ANKS1A: variants seen among roughly 807,000 people sequenced by gnomAD.
ANKS1A encodes ankyrin repeat and sterile alpha motif domain containing 1A.
A neutral mutation model predicts 120.3 loss-of-function variants in ANKS1A; 55 were observed. The ratio of observed to expected loss-of-function variants is 0.46; its 90% confidence interval spans 0.37 to 0.57. The LOEUF is 0.57. Among genes scored for constraint, ANKS1A ranks in the 20% least tolerant of loss-of-function variants. The pLI, the probability that ANKS1A is intolerant of heterozygous loss-of-function variation, is 0.00. For missense variants in ANKS1A, 1,123 were observed against 1,480.3 expected, an observed-to-expected ratio of 0.76 and a Z score of 3.96; for synonymous variants, 590 against 604.7, an observed-to-expected ratio of 0.98 and a Z score of 0.36.
chr6:34,994,948 T>G (rs917260210), intron 10 of ANKS1A, among the ~76,000 whole-genome samples: 1 of 152,100 alleles, frequency 6.6e-6, no homozygotes, highest in African/African-American at 2.4e-5. Flanking sequence ...TGTAAGGGAG[T>G]GAGTGCTGCA....
At chr6:34,962,161 T>C (rs920225709) in intron 1 of ANKS1A, among the ~76,000 whole-genome samples, 6 of 152,202 alleles carry the variant, frequency 3.9e-5, no homozygotes, top group Non-Finnish European at 7.3e-5. Flanking sequence ...AATGAGGTCA[T>C]TGTACAAATG....
intron 1 of ANKS1A, among the ~76,000 whole-genome samples, chr6:34,910,890 GAAA>G (rs1413482576): frequency 2.7e-5 from 4 of 150,924 alleles, no homozygotes. Flanking sequence ...GAAAGAAAAA[GAAA>G]AAAGAATGAA....
chr6:34,929,833 TTC>T (rs548356626), intron 1 of ANKS1A, among the ~76,000 whole-genome samples: 2 of 146,936 alleles, frequency 1.4e-5, no homozygotes, highest in Admixed American at 6.8e-5. Context: ...CTTTCTTTCT[TTC>T]TCTCTTTCTT....
At chr6:34,928,777 C>T (rs1768837190) in intron 1 of ANKS1A, among the ~76,000 whole-genome samples, 1 of 152,168 alleles carries the variant, frequency 6.6e-6, no homozygotes, top group African/African-American at 2.4e-5. Flanking sequence ...CACTGTGTTT[C>T]ACCATCTCCC....
chr6:35,003,644 T>C (rs1195333851), intron 10 of ANKS1A, among the ~76,000 whole-genome samples: 3 of 152,134 alleles, frequency 2.0e-5, no homozygotes, highest in Admixed American at 6.5e-5. Flanking sequence ...TGCTCCCTTG[T>C]TTGCTACCTG....
rs754560942 is a variant in ANKS1A at position 35,017,903 on chromosome 6, A to C, written c.1854A>C (p.Lys618Asn). The C allele has an allele frequency of 3.5e-5, 57 of 1,613,968 alleles. No individual in the cohort carries two copies. Among genetic ancestry groups the C allele is most frequent in the Non-Finnish European group, 4.7e-5 (55 of 1,179,986 alleles). ...PPTSKPKAEL[K>N]LSRSLSKSDS... The stretch of plus-strand genomic sequence containing the variant: ...CTAGCAAACCCAAAGCTGAACTCAA[A>C]CTCAGCCGCAGCTTGTCCAAGTCTG... The change falls in exon 11 of 24, where the codon AAA (lysine) becomes AAC (asparagine). Residue 618 changes from lysine to asparagine, a missense_variant. Physicochemically the swap from Lys to Asn is moderately conservative, Grantham distance 94. This residue lies in a region of ANKS1A where 904 missense variants were observed against 1,130.4 expected (regional missense o/e 0.80). Transcript: ENST00000360359.
At position 35,032,466 on chromosome 6, in the gene ANKS1A, A is replaced by C. The variant is rs112213060; in HGVS notation, c.2010+14407A>C. ...GTCAGATGAGAGACCTTTCCAGAGT[A>C]GTAATCACAGTTCATTTTTACAAGC... On this transcript the variant is annotated intron_variant, in intron 11 of 23. Coordinates refer to ENST00000360359, the MANE Select transcript of ANKS1A (RefSeq NM_015245.3). 2.4e-3 allele frequency among the ~76,000 whole-genome samples: 361 copies of C among 152,328 alleles called. 1 individual carries two copies. Among genetic ancestry groups the C allele is most frequent in the African/African-American group, 8.2e-3 (342 of 41,578 alleles).
chr6:34,970,851 A>T (rs9368841), intron 3 of ANKS1A, among the ~76,000 whole-genome samples: 13,386 of 144,494 alleles, frequency 0.093, 757 homozygotes, highest in East Asian at 0.34. Flanking sequence ...ATAAAAAATT[A>T]AAAAAAAAAA....
At chr6:35,074,187 T>C (rs1037267729) in intron 13 of ANKS1A, among the ~76,000 whole-genome samples, 8 of 152,170 alleles carry the variant, frequency 5.3e-5, no homozygotes, top group African/African-American at 1.7e-4. Flanking sequence ...TGGGGTTGAG[T>C]GGGAGTTTAG....
At chr6:35,048,119 C>T (rs1025409628) in intron 11 of ANKS1A, among the ~76,000 whole-genome samples, 6 of 152,206 alleles carry the variant, frequency 3.9e-5, no homozygotes, top group African/African-American at 1.4e-4. Context: ...CTCTCTCCAC[C>T]AGCCTAGCCT....
Position 35,060,934 on chromosome 6 carries a change from T to C in ANKS1A, c.2184+681T>C, listed in dbSNP as rs1396024369. ...AGAAAGTAGCTCTGATCAGGGTACCTGTCACTGTCCCTCTCTTGGAAGCCC... is the reference window on the plus strand; with the variant it reads ...AGAAAGTAGCTCTGATCAGGGTACCCGTCACTGTCCCTCTCTTGGAAGCCC... On this transcript the variant is annotated intron_variant, in intron 13 of 23. Coordinates refer to ENST00000360359, the MANE Select transcript of ANKS1A (RefSeq NM_015245.3). This position sits in a 1 kb window ranked among gnomAD's most constrained non-coding sequence, Gnocchi z 4.5. 5.3e-5 allele frequency among the ~76,000 whole-genome samples: 8 copies of C among 152,208 alleles called. No individual in the cohort carries two copies. Among genetic ancestry groups the C allele is most frequent in the Admixed American group, 5.2e-4 (8 of 15,286 alleles).
At chr6:34,934,162 T>G (rs1362456031) in intron 1 of ANKS1A, among the ~76,000 whole-genome samples, 2 of 152,144 alleles carry the variant, frequency 1.3e-5, no homozygotes, top group Non-Finnish European at 2.9e-5. Context: ...ATTTATTTAT[T>G]TTGGAGACGG....
At chr6:35,094,134 C>G (rs1188406026), downstream of ANKS1A, among the ~76,000 whole-genome samples, 2 of 152,210 alleles carry the variant, frequency 1.3e-5, no homozygotes, top group Non-Finnish European at 2.9e-5. Context: ...TTCCTTTTCC[C>G]TTGCTAGAGT....
At chr6:34,944,139 A>G (rs943047011) in intron 1 of ANKS1A, among the ~76,000 whole-genome samples, 1 of 152,144 alleles carries the variant, frequency 6.6e-6, no homozygotes, top group Admixed American at 6.5e-5. Context: ...TTAGCCGGGC[A>G]TGGTGGTGGG....
intron 13 of ANKS1A, among the ~76,000 whole-genome samples, chr6:35,071,557 C>T (rs897174591): frequency 9.2e-5 from 14 of 152,042 alleles, no homozygotes; most frequent in African/African-American, 3.4e-4. Flanking sequence ...ATGGCCTGAA[C>T]CTGTTTTTCA....
intron 8 of ANKS1A, among the ~76,000 whole-genome samples, chr6:34,987,897 C>T (rs1772293659): frequency 6.6e-6 from 1 of 152,198 alleles, no homozygotes; most frequent in African/African-American, 2.4e-5. Flanking sequence ...CAGGACAGCT[C>T]TTGTTTTGGG....
Position 34,954,656 on chromosome 6 carries a change from C to CA in ANKS1A, c.198-12582dup, listed in dbSNP as rs1770256919. 2.0e-5 allele frequency among the ~76,000 whole-genome samples: 3 copies of CA among 152,144 alleles called. No individual in the cohort carries two copies. The South Asian group carries it at 6.2e-4, about 32-fold the overall frequency. ...TTTTCCAAGTCACTGCTTTGCAGAA[C>CA]ATGCTTAAACACAAAACCACAAGGT... is the stretch of plus-strand genomic sequence containing the variant. On this transcript the variant is annotated intron_variant, in intron 1 of 23. Coordinates refer to ENST00000360359, the MANE Select transcript of ANKS1A (RefSeq NM_015245.3).
intron 1 of ANKS1A, among the ~76,000 whole-genome samples, chr6:34,933,651 A>T (rs1038026884): frequency 6.6e-6 from 1 of 152,174 alleles, no homozygotes; most frequent in African/African-American, 2.4e-5. Context: ...GCTGTTTTTA[A>T]ATAAATTTAT....
chr6:35,004,163 G>T (rs560447661), intron 10 of ANKS1A, among the ~76,000 whole-genome samples: 98 of 151,946 alleles, frequency 6.4e-4, no homozygotes, highest in African/African-American at 2.3e-3. Context: ...CCTTAGAGTT[G>T]TGAGCCCTTA....
Sources: gnomAD v4.1 joint callset for allele counts (sites outside exome capture counted in the v4.1 genomes callset) on GRCh38, gnomAD v4.1.1 for gene constraint, gnomAD v4.1.1 regional missense constraint, Gnocchi (gnomAD v3.1) non-coding constraint, MANE v1.5 for transcripts, NCBI Gene and HGNC (gene_info 2026-07-23, HGNC 2026-07-21) for gene names.